Variants in STARD9 observed in about 807,000 individuals in gnomAD.
STARD9 encodes the protein StAR related lipid transfer domain containing 9.
STARD9 carries 346 observed loss-of-function variants against 399.8 expected under a neutral mutation model. The observed-to-expected ratio is 0.87, with a 90% CI of 0.79 to 0.95. The LOEUF (loss-of-function observed/expected upper bound fraction) is 0.95. Among genes scored for constraint, STARD9 ranks in the 40% least tolerant of loss-of-function variants. STARD9 has a pLI of 0.00. For missense variants in STARD9, 5,832 were observed against 5,667.5 expected, an observed-to-expected ratio of 1.03 and a Z score of -0.93; for synonymous variants, 2,203 against 2,143.5, an observed-to-expected ratio of 1.03 and a Z score of -0.77.
intron 3 of STARD9, among the ~76,000 whole-genome samples, chr15:42,621,494 A>G (rs2141854020): frequency 6.6e-6 from 1 of 152,362 alleles, no homozygotes; most frequent in East Asian, 1.9e-4. Context: ...AGGTTCAGAT[A>G]CAGCCTGAGG....
rs2060834280 is a variant in STARD9 at position 42,695,835 on chromosome 15, TAGC to T, written c.13243_13245del (p.Ser4415del). 13 of 1,537,248 alleles carry T rather than the reference TAGC, an allele frequency of 8.5e-6. No homozygotes were observed. The highest frequency in any genetic ancestry group is 1.7e-4 in the Middle Eastern group (1 of 5,990). ...CGTCTGGCATGACCTCTGGCTATAATAGCAGCCCAGCCTTGTCAGGCCAGCTCC... is the reference window on the plus strand; with the variant it reads ...CGTCTGGCATGACCTCTGGCTATAATAGCCCAGCCTTGTCAGGCCAGCTCC... On this transcript the variant is annotated inframe_deletion, in exon 26 of 33. Coordinates refer to ENST00000290607, the MANE Select transcript of STARD9 (RefSeq NM_020759.3).
Position 42,689,766 on chromosome 15 carries a change from G to C in STARD9, c.8188G>C (p.Glu2730Gln). 3 of 1,537,636 alleles carry C rather than the reference G, an allele frequency of 2.0e-6. No homozygotes were observed. The highest frequency in any genetic ancestry group is 2.6e-6 in the Non-Finnish European group (3 of 1,147,000). ...CAGTCCTCGTTCTTCAGCACCTGTG[G>C]AGGAGGTCAGGAGGGTAGTATCAAA... ...PDSPRSSAPV[E>Q]EVRRVVSKKV... is the part of the protein sequence containing the mutation. The change falls in exon 23 of 33, where the codon GAG (glutamate) becomes CAG (glutamine). Residue 2730 changes from glutamate (E) to glutamine (Q), a missense_variant. Physicochemically the swap from Glu to Gln is conservative, Grantham distance 29. This residue lies in a region of STARD9 where 5,828 missense variants were observed against 5,651.1 expected (regional missense o/e 1.03). Coordinates refer to ENST00000290607, the MANE Select transcript of STARD9 (RefSeq NM_020759.3).
At chr15:42,636,143 A>C (rs2141922057) in intron 4 of STARD9, among the ~76,000 whole-genome samples, 1 of 152,300 alleles carries the variant, frequency 6.6e-6, no homozygotes, top group South Asian at 2.1e-4. Context: ...CAAAAAATAC[A>C]AAAGTTAGCT....
At chr15:42,638,849 T>G (rs2059475508) in intron 7 of STARD9, 37 bp downstream of exon 7, 2 of 1,283,398 alleles carry the variant, frequency 1.6e-6, no homozygotes, top group Non-Finnish European at 2.2e-6. Context: ...GAAACCAAAC[T>G]GAAGCCTGGG....
rs141730249 is a variant in STARD9, at chr15:42,698,422, T to C, written c.13284+2542T>C. On this transcript the variant is annotated intron_variant, in intron 26 of 32. Coordinates refer to ENST00000290607, the MANE Select transcript of STARD9 (RefSeq NM_020759.3). The stretch of plus-strand genomic sequence containing the variant: ...AAATGTTTAGATTTTGTGTTGAAAA[T>C]TGTATCTCATTTTTCTCATATGCTT... Among the ~76,000 whole-genome samples the C allele has an allele frequency of 1.9e-4, 29 of 152,306 alleles. No individual in the cohort carries two copies. The East Asian group carries it at 4.8e-3, about 25-fold the overall frequency.
At chr15:42,701,778 A>G (rs2060969367) in intron 26 of STARD9, among the ~76,000 whole-genome samples, 1 of 151,946 alleles carries the variant, frequency 6.6e-6, no homozygotes, top group Admixed American at 6.6e-5. Context: ...GCTGATCACA[A>G]AGTCAGGAGT....
chr15:42,691,987 C>A lies in STARD9; in HGVS notation c.10409C>A (p.Ala3470Glu). The change falls in exon 23 of 33, where the codon GCG becomes GAG. Residue 3470 changes from alanine to glutamate, a missense_variant. Physicochemically the swap from Ala to Glu is moderately radical, Grantham distance 107 (BLOSUM62 -1). Around this residue, in one of 2 missense-constraint regions of STARD9, gnomAD observed 5,828 missense variants for 5,651.1 expected, o/e 1.03. Transcript: ENST00000290607. ...HFGSSDISPY[A>E]LPWRPEEPAR... is the part of the protein sequence containing the mutation. ...GGCTCCAGTGACATCAGTCCCTATG[C>A]GCTGCCGTGGCGTCCGGAGGAGCCT... The A allele has an allele frequency of 6.5e-7, 1 of 1,537,188 alleles. No individual in the cohort carries two copies. The highest frequency in any genetic ancestry group is 1.2e-5 in the South Asian group (1 of 84,062).
chr15:42,600,526 C>CTTTT (rs796979908), intron 3 of STARD9, among the ~76,000 whole-genome samples: 2 of 139,508 alleles, frequency 1.4e-5, no homozygotes, highest in Non-Finnish European at 1.6e-5. Flanking sequence ...TTCTTTCTTT[C>CTTTT]TTTTTTTTTT....
chr15:42,680,043 CT>C (rs1457417571), intron 20 of STARD9, among the ~76,000 whole-genome samples: 2 of 152,176 alleles, frequency 1.3e-5, no homozygotes, highest in Admixed American at 1.3e-4. Flanking sequence ...TTGATTCTAA[CT>C]TTTTTGTTAG....
chr15:42,586,576 A>C (rs1217928184), intron 3 of STARD9, among the ~76,000 whole-genome samples: 1 of 152,260 alleles, frequency 6.6e-6, no homozygotes, highest in Admixed American at 6.5e-5. Context: ...GGCCACAGAC[A>C]GTAGCCCTTG....
At chr15:42,608,780 T>C (rs761997441) in intron 3 of STARD9, among the ~76,000 whole-genome samples, 75 of 152,174 alleles carry the variant, frequency 4.9e-4, no homozygotes, top group Non-Finnish European at 9.6e-4. Flanking sequence ...GACCTGGTAA[T>C]GTTTATCTTG....
chr15:42,614,160 A>G (rs2058909967), intron 3 of STARD9, among the ~76,000 whole-genome samples: 1 of 151,588 alleles, frequency 6.6e-6, no homozygotes, highest in African/African-American at 2.4e-5. Flanking sequence ...AAAATACAAA[A>G]ATTAGCCAGA....
intron 15 of STARD9, among the ~76,000 whole-genome samples, chr15:42,667,644 A>AATCCCAGCACTTTGT (rs2060128619): frequency 2.0e-5 from 3 of 150,390 alleles, no homozygotes; most frequent in Non-Finnish European, 4.4e-5. Flanking sequence ...ACGCCAGGCT[A>AATCCCAGCACTTTGT]ATTTTTTGTA....
chr15:42,717,753 A>G lies in STARD9; in HGVS notation c.13517A>G (p.Asn4506Ser). ...MADVMAACSD[N>S]LHNLFSCQAT... The stretch of plus-strand genomic sequence containing the variant: ...CAGGTAATGGCTGCTTGTTCGGATA[A>G]TTTGCACAACCTCTTCAGCTGCCAG... Residue 4506 changes from asparagine (N) to serine (S), a missense_variant, in exon 29 of 33, where the codon AAT becomes AGT. Transcript: ENST00000290607. 6.5e-7 allele frequency: 1 copy of G among 1,537,152 alleles called. No homozygotes were observed. The highest frequency in any genetic ancestry group is 8.7e-7 in the Non-Finnish European group (1 of 1,146,908).
At chr15:42,682,002 C>G (rs2060440747) in intron 21 of STARD9, 102 bp from the exon 22 acceptor site, 2 of 783,828 alleles carry the variant, frequency 2.6e-6, no homozygotes, top group Non-Finnish European at 4.0e-6. Context: ...CCAGCTCTTT[C>G]ACTCCACACA....
rs76030632 is a variant in STARD9, at chr15:42,686,644, A to G, written c.5066A>G (p.Asp1689Gly). 3.3e-6 allele frequency: 5 copies of G among 1,537,012 alleles called. No homozygotes were observed. The highest frequency in any genetic ancestry group is 2.6e-6 in the Non-Finnish European group (3 of 1,146,932). ...GTCCAGCCAGGGCAATTAAGTCCCG[A>G]CAGCCACTACCCACTAGAGGAAGAG... is the stretch of plus-strand genomic sequence containing the variant. ...SAVQPGQLSPDSHYPLEEEKT... is the reference protein window; with the variant it reads ...SAVQPGQLSPGSHYPLEEEKT... The change falls in exon 23 of 33, where the codon GAC becomes GGC. Residue 1689 changes from aspartate to glycine, a missense_variant. This residue lies in a region of STARD9 where 5,828 missense variants were observed against 5,651.1 expected (regional missense o/e 1.03). Coordinates refer to ENST00000290607, the MANE Select transcript of STARD9 (RefSeq NM_020759.3).
At position 42,694,702 on chromosome 15, in the gene STARD9, G is replaced by A. The variant is rs1468975845; in HGVS notation, c.12939G>A (p.Arg4313=). 1 of 1,537,236 alleles carries A rather than the reference G, an allele frequency of 6.5e-7. No individual in the cohort carries two copies. The highest frequency in any genetic ancestry group is 2.0e-5 in the Admixed American group (1 of 51,000). Reference sequence around the variant, plus strand: ...GCCGAGAATACCTGCAGCAACTGAGGAAGGATGTTGTGGAGACCACCAGGT... The same window carrying A: ...GCCGAGAATACCTGCAGCAACTGAGAAAGGATGTTGTGGAGACCACCAGGT... ...SRRREYLQQL[R]KDVVETTRSP... Residue 4313 remains arginine, a synonymous_variant, in exon 24 of 33, where the codon AGG becomes AGA. Transcript: ENST00000290607.
At chr15:42,610,744 G>T (rs1041154008) in intron 3 of STARD9, among the ~76,000 whole-genome samples, 1 of 151,948 alleles carries the variant, frequency 6.6e-6, no homozygotes, top group Non-Finnish European at 1.5e-5. Context: ...ACGGGGTTTC[G>T]CCATGTTGGC....
At chr15:42,642,277 G>A (rs2059553893) in intron 7 of STARD9, among the ~76,000 whole-genome samples, 1 of 152,170 alleles carries the variant, frequency 6.6e-6, no homozygotes, top group African/African-American at 2.4e-5. Flanking sequence ...TTGTGAGATG[G>A]ACCTTGATAG....
Sources: gnomAD v4.1 joint callset for allele counts (sites outside exome capture counted in the v4.1 genomes callset) on GRCh38, gnomAD v4.1.1 for gene constraint, gnomAD v4.1.1 regional missense constraint, MANE v1.5 for transcripts, NCBI Gene and HGNC (gene_info 2026-07-23, HGNC 2026-07-21) for gene names.